Variants in GBE1 observed in about 807,000 individuals in gnomAD.
GBE1 encodes the protein 1,4-alpha-glucan branching enzyme 1.
In GBE1, 70 loss-of-function variants were observed where a neutral mutation model predicts 88.8. That is an observed-to-expected ratio of 0.79 (90% CI 0.65 to 0.96). GBE1 has a LOEUF of 0.96. Among genes scored for constraint, GBE1 ranks in the 40% least tolerant of loss-of-function variants. The pLI is 0.00. For missense variants in GBE1, 872 were observed against 871.0 expected (o/e 1.00, Z -0.01); for synonymous variants, 284 against 300.1 (o/e 0.95, Z 0.56).
intron 2 of GBE1, 140 bp from the exon 3 acceptor site, chr3:81,671,093 A>C: frequency 2.3e-6 from 1 of 438,856 alleles, no homozygotes; most frequent in Non-Finnish European, 4.0e-6. Context: ...GTTAATCAAA[A>C]TACTAGTGGT....
intron 6 of GBE1, among the ~76,000 whole-genome samples, chr3:81,646,162 G>A (rs780104272): frequency 2.6e-5 from 4 of 152,140 alleles, no homozygotes; most frequent in African/African-American, 9.7e-5. Context: ...CAGGTAACTG[G>A]ACATTCTATA....
At chr3:81,637,488 T>C (rs1386372548) in intron 7 of GBE1, among the ~76,000 whole-genome samples, 1 of 152,152 alleles carries the variant, frequency 6.6e-6, no homozygotes, top group Non-Finnish European at 1.5e-5. Flanking sequence ...TCCAAGCATA[T>C]ATATTGAAAA....
chr3:81,744,545 C>G (rs1240326555), intron 1 of GBE1, among the ~76,000 whole-genome samples: 1 of 152,128 alleles, frequency 6.6e-6, no homozygotes, highest in African/African-American at 2.4e-5. Context: ...TTGACTCACT[C>G]AGGAATGCAG....
chr3:81,714,766 A>G (rs1366088874), intron 1 of GBE1, among the ~76,000 whole-genome samples: 1 of 152,208 alleles, frequency 6.6e-6, no homozygotes, highest in East Asian at 1.9e-4. Flanking sequence ...ATAGTTCTAG[A>G]GGCTGCGAAG....
At chr3:81,750,647 A>ATATATATATGTGTATATATATATACG in intron 1 of GBE1, among the ~76,000 whole-genome samples, 1 of 48,358 alleles carries the variant, frequency 2.1e-5, no homozygotes, top group South Asian at 5.6e-4. Context: ...ATATATATGT[A>ATATATATATGTGTATATATATATACG]TATATATATA....
chr3:81,648,332 T>C (rs187481843), intron 5 of GBE1, among the ~76,000 whole-genome samples: 2 of 152,254 alleles, frequency 1.3e-5, no homozygotes, highest in African/African-American at 4.8e-5. Context: ...CTGTTTGTTA[T>C]GAAGACAGGA....
intron 12 of GBE1, among the ~76,000 whole-genome samples, chr3:81,563,539 T>C (rs1336778918): frequency 6.6e-6 from 1 of 152,080 alleles, no homozygotes; most frequent in Non-Finnish European, 1.5e-5. Flanking sequence ...AAGGCTAGAA[T>C]TAATGCCCAT....
Position 81,761,583 on chromosome 3 carries a change from T to G in GBE1, c.-66A>C, listed in dbSNP as rs1180158085. ...GTGGGGCCTGAGCGGGCGCTGGAGC[T>G]CTAGCTGGGACGCGGCGGCTAGGGC... On this transcript the variant is annotated 5_prime_UTR_variant, in exon 1 of 16. Transcript: ENST00000429644. 2 of 1,529,458 alleles carry G rather than the reference T, an allele frequency of 1.3e-6. No homozygotes were observed. The highest frequency in any genetic ancestry group is 8.8e-7 in the Non-Finnish European group (1 of 1,139,492). 94.7% of individuals were successfully genotyped at this position (1,529,458 alleles called of 1,614,324 possible). A position where few individuals can be genotyped will look rare whatever the true frequency, so the allele number is the denominator to read the frequency against.
chr3:81,496,323 G>A (rs184023881), intron 15 of GBE1, among the ~76,000 whole-genome samples: 203 of 152,288 alleles, frequency 1.3e-3, no homozygotes, highest in African/African-American at 4.6e-3. Context: ...CAGAGACAAC[G>A]CTAGAACGGT....
chr3:81,501,686 C>CTT (rs35149061), intron 14 of GBE1, among the ~76,000 whole-genome samples: 7,974 of 71,658 alleles, frequency 0.11, 1,807 homozygotes, highest in East Asian at 0.25. Flanking sequence ...CTTAGGGGCA[C>CTT]TTTTTTTTTT....
At chr3:81,556,000 G>A (rs1703342898) in intron 12 of GBE1, among the ~76,000 whole-genome samples, 2 of 152,044 alleles carry the variant, frequency 1.3e-5, no homozygotes, top group African/African-American at 4.8e-5. Context: ...CTGGTTTAGA[G>A]CTTTGATCTG....
intron 10 of GBE1, among the ~76,000 whole-genome samples, chr3:81,585,673 C>T (rs1259134254): frequency 2.0e-5 from 3 of 152,008 alleles, no homozygotes; most frequent in Non-Finnish European, 4.4e-5. Flanking sequence ...GAATCCAATC[C>T]AAATTTGTTG....
rs561463623 is a variant in GBE1, at chr3:81,760,092, G to A, written c.143+1283C>T. Among the ~76,000 whole-genome samples the A allele has an allele frequency of 7.2e-5, 11 of 152,254 alleles. No individual in the cohort carries two copies. The South Asian group carries it at 2.3e-3, about 32-fold the overall frequency. On this transcript the variant is annotated intron_variant, in intron 1 of 15. Coordinates refer to ENST00000429644, the MANE Select transcript of GBE1 (RefSeq NM_000158.4). ...CTAAGTTTCTCTGAAAGCATATACT[G>A]TAAATTCTGAAAACAATTTCACAAG...
intron 1 of GBE1, among the ~76,000 whole-genome samples, chr3:81,756,955 T>C (rs1706611968): frequency 6.6e-6 from 1 of 152,204 alleles, no homozygotes; most frequent in African/African-American, 2.4e-5. Context: ...GATTCACTTA[T>C]TTAACCCACT....
intron 7 of GBE1, among the ~76,000 whole-genome samples, chr3:81,639,521 GGGGCGTTAA>G (rs1185494366): frequency 3.3e-5 from 5 of 151,930 alleles, no homozygotes; most frequent in Non-Finnish European, 5.9e-5. Flanking sequence ...TTCGAAGGGA[GGGGCGTTAA>G]GGAATTTTAA....
At chr3:81,541,451 C>T (rs1313790431) in intron 12 of GBE1, among the ~76,000 whole-genome samples, 2 of 102,968 alleles carry the variant, frequency 1.9e-5, no homozygotes, top group East Asian at 4.8e-4. Context: ...CTGCAAGTTG[C>T]CCCCCCCGCC....
chr3:81,706,873 A>G (rs1020857042), intron 1 of GBE1, among the ~76,000 whole-genome samples: 2 of 152,136 alleles, frequency 1.3e-5, no homozygotes, highest in African/African-American at 4.8e-5. Flanking sequence ...TCAACAAAAA[A>G]AAGTACATAA....
intron 10 of GBE1, among the ~76,000 whole-genome samples, chr3:81,584,719 C>T (rs1054644113): frequency 4.0e-5 from 6 of 151,288 alleles, no homozygotes; most frequent in African/African-American, 7.3e-5. Flanking sequence ...TAATGCATTA[C>T]CTTCATCATA....
At chr3:81,750,643 A>ATGTGTGTGTGTG (rs1453874485) in intron 1 of GBE1, among the ~76,000 whole-genome samples, 1 of 49,744 alleles carries the variant, frequency 2.0e-5, no homozygotes, top group African/African-American at 1.3e-4. Flanking sequence ...ATATATATAT[A>ATGTGTGTGTGTG]TGTATATATA....
Sources: allele counts gnomAD v4.1 joint callset (sites outside exome capture counted in the v4.1 genomes callset), GRCh38; gene constraint gnomAD v4.1.1; transcripts MANE v1.5; gene names NCBI Gene and HGNC (gene_info 2026-07-23, HGNC 2026-07-21).